The following ZNF195 variants were observed in gnomAD, a reference collection of about 807,000 sequenced individuals.
The protein encoded by ZNF195 is hypoxia-regulated factor-1.
In ZNF195, 11 loss-of-function variants were observed where a neutral mutation model predicts 19.5. The observed-to-expected ratio is 0.57, with a 90% CI of 0.36 to 0.94. ZNF195 has a LOEUF of 0.94. Among genes scored for constraint, ZNF195 ranks in the 40% least tolerant of loss-of-function variants. ZNF195 has a pLI of 0.01. For missense variants in ZNF195, 582 were observed against 709.0 expected, an observed-to-expected ratio of 0.82 and a Z score of 2.03; for synonymous variants, 214 against 248.1, an observed-to-expected ratio of 0.86 and a Z score of 1.29.
At position 3,359,987 on chromosome 11, in the gene ZNF195, G is replaced by A. The variant is rs1206059671; in HGVS notation, c.1021C>T (p.His341Tyr). The change falls in exon 6 of 6, where the codon CAC becomes TAC. Residue 341 changes from histidine to tyrosine, a missense_variant. By Grantham distance (83) the His-to-Tyr change is moderately conservative. Around this residue, in one of 3 missense-constraint regions of ZNF195, gnomAD observed 407 missense variants for 530.5 expected, o/e 0.77. Transcript: ENST00000399602. The surrounding 1 kb of genome is among the most constrained non-coding windows in gnomAD (Gnocchi z 5.5). ...EFGKVFNQCS[H>Y]LTEHEHGTEE... ...GTACCATGCTCATGTTCAGTAAGGT[G>A]GGAGCACTGGTTAAATACTTTGCCA... 1 of 1,614,030 alleles carries A rather than the reference G, an allele frequency of 6.2e-7. No homozygotes were observed. The highest frequency in any genetic ancestry group is 8.5e-7 in the Non-Finnish European group (1 of 1,180,016).
Position 3,371,622 on chromosome 11 carries a change from A to G in ZNF195, c.85T>C (p.Tyr29His). Reference protein sequence around the residue: ...KCLDLAQQNLYRDVMLENYRN... With the variant: ...KCLDLAQQNLHRDVMLENYRN... ...TAGTTCTCCAACATCACATCCCTGT[A>G]CAAATTCTGCTGAGCGAGGTCCAGG... Residue 29 changes from tyrosine (Y) to histidine (H), a missense_variant, in exon 2 of 6, where the codon TAC (tyrosine) becomes CAC (histidine). Coordinates refer to ENST00000399602, the MANE Select transcript of ZNF195 (RefSeq NM_001130520.3). 1 of 1,614,180 alleles carries G rather than the reference A, an allele frequency of 6.2e-7. No individual in the cohort carries two copies. The highest frequency in any genetic ancestry group is 8.5e-7 in the Non-Finnish European group (1 of 1,180,010).
intron 3 of ZNF195, chr11:3,369,428 A>T: frequency 2.3e-6 from 1 of 428,380 alleles, no homozygotes; most frequent in Non-Finnish European, 4.8e-6. Flanking sequence ...TTGAAGAATT[A>T]TCTGCTCCCT....
rs144559685 is a variant in ZNF195, at chr11:3,378,298, A to G, written c.3+740T>C. Reference sequence around the variant, plus strand: ...GCACTCCAGCCTGGGGGACAGAGCGAGACTCCATCTCAAAAATAATAATAA... The same window carrying G: ...GCACTCCAGCCTGGGGGACAGAGCGGGACTCCATCTCAAAAATAATAATAA... On this transcript the variant is annotated intron_variant, in intron 1 of 5. Coordinates refer to ENST00000399602, the MANE Select transcript of ZNF195 (RefSeq NM_001130520.3). Among the ~76,000 whole-genome samples the G allele has an allele frequency of 6.8e-3, 1,035 of 152,216 alleles. 11 individuals carry two copies. Among genetic ancestry groups the G allele is most frequent in the African/African-American group, 0.023 (959 of 41,506 alleles).
At chr11:3,365,079 C>T (rs1236442435) in intron 3 of ZNF195, among the ~76,000 whole-genome samples, 4 of 152,128 alleles carry the variant, frequency 2.6e-5, no homozygotes, top group Non-Finnish European at 5.9e-5. Context: ...TGGCAAAATG[C>T]GTACATTAAC....
In ZNF195 at chr11:3,369,336, GT is replaced by G. The variant is rs1849064786; in HGVS notation, c.226+1638del. 3 of 235,848 alleles carry G rather than the reference GT, an allele frequency of 1.3e-5. No individual in the cohort carries two copies. The South Asian group carries it at 1.3e-4, about 10-fold the overall frequency. 14.6% of individuals were successfully genotyped at this position (235,848 alleles called of 1,614,324 possible). ...CAGGGTGGGGGGGCGTTATTTAAAA[GT>G]TAGAAAAAGATAAACCTACCCTGCA... On this transcript the variant is annotated intron_variant, in intron 3 of 5. Coordinates refer to ENST00000399602, the MANE Select transcript of ZNF195 (RefSeq NM_001130520.3).
Position 3,359,442 on chromosome 11 carries a change from G to C in ZNF195, c.1566C>G (p.Tyr522Ter). 6.2e-7 allele frequency: 1 copy of C among 1,614,198 alleles called. No homozygotes were observed. Among genetic ancestry groups the C allele is most frequent in the Non-Finnish European group, 8.5e-7 (1 of 1,180,034 alleles). Residue 522 changes from tyrosine to a stop codon, truncating the protein, a stop_gained, in exon 6 of 6, where the codon TAC becomes TAG. Coordinates refer to ENST00000399602, the MANE Select transcript of ZNF195 (RefSeq NM_001130520.3). LOFTEE classifies it low-confidence loss of function (END_TRUNC). This position sits in a 1 kb window ranked among gnomAD's most constrained non-coding sequence, Gnocchi z 5.5. ...AGTTTTTTCCACATTCGTCACATTTGTAGGGCTTCTCTCCAGTATGGGTTT... is the reference window on the plus strand; with the variant it reads ...AGTTTTTTCCACATTCGTCACATTTCTAGGGCTTCTCTCCAGTATGGGTTT... The part of the protein sequence containing the change: ...HKKTHTGEKP[Y>*]KCDECGKNFT...
At chr11:3,372,646 T>C (rs1384365431) in intron 1 of ZNF195, among the ~76,000 whole-genome samples, 1 of 152,248 alleles carries the variant, frequency 6.6e-6, no homozygotes, top group African/African-American at 2.4e-5. Flanking sequence ...GACAAATAAA[T>C]ATCTCCCAGG....
At chr11:3,362,336 A>C (rs1328222562) in intron 3 of ZNF195, among the ~76,000 whole-genome samples, 1 of 152,198 alleles carries the variant, frequency 6.6e-6, no homozygotes, top group Non-Finnish European at 1.5e-5. Flanking sequence ...GAAAAATAAA[A>C]TTCTGTGGTA....
At chr11:3,366,165 G>A (rs1468521613) in intron 3 of ZNF195, among the ~76,000 whole-genome samples, 1 of 149,472 alleles carries the variant, frequency 6.7e-6, no homozygotes, top group Non-Finnish European at 1.5e-5. Context: ...TCAGGAGGCT[G>A]AGGCAGGAGA....
chr11:3,360,614 C>T (rs1418930427), intron 5 of ZNF195, 49 bp from the exon 6 acceptor site: 2 of 1,548,412 alleles, frequency 1.3e-6, no homozygotes, highest in Non-Finnish European at 1.7e-6. Context: ...CAGATGAATA[C>T]ACTTTATGAA....
chr11:3,361,286 G>C (rs1401120491), intron 4 of ZNF195, among the ~76,000 whole-genome samples: 5 of 152,192 alleles, frequency 3.3e-5, no homozygotes, highest in Non-Finnish European at 7.3e-5. Context: ...GTGGCAGGAG[G>C]CTTGTTGTTA....
Position 3,359,320 on chromosome 11 carries a change from G to T in ZNF195, c.1688C>A (p.Ser563Ter). 2.5e-6 allele frequency: 4 copies of T among 1,613,770 alleles called. No individual in the cohort carries two copies. Among genetic ancestry groups the T allele is most frequent in the Non-Finnish European group, 3.4e-6 (4 of 1,179,858 alleles). The stretch of plus-strand genomic sequence containing the variant: ...GGTTTTCTTATGTTTGGTAATGTCT[G>T]AGAACCACATGAAGACTCTGCCACA... ...EECGRVFMWF[S>*]DITKHKKTHT... The change falls in exon 6 of 6, where the codon TCA (serine) becomes TAA (stop). Residue 563 changes from serine to a stop codon, truncating the protein, a stop_gained. Transcript: ENST00000399602. LOFTEE classifies it low-confidence loss of function (END_TRUNC). The surrounding 1 kb of genome is among the most constrained non-coding windows in gnomAD (Gnocchi z 5.5).
At chr11:3,377,728 G>A in intron 1 of ZNF195, 1 of 1,091,152 alleles carries the variant, frequency 9.2e-7, no homozygotes, top group Non-Finnish European at 1.1e-6. Context: ...ATAACCCAGG[G>A]CCTGAAATTC....
intron 4 of ZNF195, 56 bp from the exon 5 acceptor site, chr11:3,360,844 G>A (rs780265114): frequency 2.1e-5 from 30 of 1,458,938 alleles, no homozygotes; most frequent in Admixed American, 4.1e-5. Flanking sequence ...TGCAGCCCCC[G>A]CTCCTCCGCA....
At chr11:3,376,258 T>G (rs1849455947) in intron 1 of ZNF195, among the ~76,000 whole-genome samples, 1 of 151,672 alleles carries the variant, frequency 6.6e-6, no homozygotes, top group Non-Finnish European at 1.5e-5. Context: ...AAGCACTAGC[T>G]AGGCCAGGGG....
Position 3,379,065 on chromosome 11 carries a change from GT to G in ZNF195, c.-26del. The G allele has an allele frequency of 6.7e-7, 1 of 1,495,590 alleles. No homozygotes were observed. 92.6% of individuals were successfully genotyped at this position (1,495,590 alleles called of 1,614,324 possible). On this transcript the variant is annotated 5_prime_UTR_variant, in exon 1 of 6. Transcript: ENST00000399602. ...TCTCCTGGCCTCCAGAGAGCCTGGC[GT>G]TTCACTTCTGGATCTCCCGGTGCCT...
intron 3 of ZNF195, chr11:3,368,662 G>A (rs2133703379): frequency 5.2e-6 from 1 of 191,956 alleles, no homozygotes; most frequent in Admixed American, 5.3e-5. Flanking sequence ...AATATTTTCT[G>A]TTTTCAAGTG....
intron 1 of ZNF195, among the ~76,000 whole-genome samples, chr11:3,378,251 A>C (rs1402932917): frequency 6.6e-6 from 1 of 152,138 alleles, no homozygotes; most frequent in Non-Finnish European, 1.5e-5. Context: ...CAGAGGTTGC[A>C]GTGAGCCGAG....
chr11:3,359,457 A>G lies in ZNF195; in HGVS notation c.1551T>C (p.Thr517=). Reference sequence around the variant, plus strand: ...CGTCACATTTGTAGGGCTTCTCTCCAGTATGGGTTTTCTTATGCTTAGTGA... The same window carrying G: ...CGTCACATTTGTAGGGCTTCTCTCCGGTATGGGTTTTCTTATGCTTAGTGA... The part of the protein sequence containing the change: ...SDLTKHKKTH[T]GEKPYKCDEC... The change falls in exon 6 of 6, where the codon ACT becomes ACC. Residue 517 remains threonine, a synonymous_variant. Coordinates refer to ENST00000399602, the MANE Select transcript of ZNF195 (RefSeq NM_001130520.3). The surrounding 1 kb of genome is among the most constrained non-coding windows in gnomAD (Gnocchi z 5.5). 6.2e-7 allele frequency: 1 copy of G among 1,614,210 alleles called. No individual in the cohort carries two copies. The highest frequency in any genetic ancestry group is 8.5e-7 in the Non-Finnish European group (1 of 1,180,048).
Sources: gnomAD v4.1 joint callset for allele counts (sites outside exome capture counted in the v4.1 genomes callset) on GRCh38, gnomAD v4.1.1 for gene constraint, gnomAD v4.1.1 regional missense constraint, Gnocchi (gnomAD v3.1) non-coding constraint, MANE v1.5 for transcripts, NCBI Gene and HGNC (gene_info 2026-07-23, HGNC 2026-07-21) for gene names.